Variants in KCNG4 observed in about 807,000 individuals in gnomAD.
KCNG4 encodes the protein voltage-gated potassium channel regulatory subunit KCNG4.
Under a neutral mutation model 28.2 loss-of-function variants are expected in KCNG4, and 30 were observed. The observed-to-expected ratio is 1.06, with a 90% CI of 0.80 to 1.44. KCNG4 has a LOEUF of 1.44. Ranked by LOEUF, KCNG4 falls within the 40% of genes most tolerant of loss-of-function variation. The pLI, the probability that KCNG4 is intolerant of heterozygous loss-of-function variation, is 0.00. For missense variants in KCNG4, 879 were observed against 712.3 expected, an observed-to-expected ratio of 1.23 and a Z score of -2.66; for synonymous variants, 375 against 315.5, an observed-to-expected ratio of 1.19 and a Z score of -2.00.
intron 1 of KCNG4, among the ~76,000 whole-genome samples, 191 bp from the exon 2 acceptor site, chr16:84,237,716 G>C (rs1905009940): frequency 6.6e-6 from 1 of 152,098 alleles, no homozygotes; most frequent in African/African-American, 2.4e-5. Context: ...ATACATCAGT[G>C]AAAAAAACCC....
At chr16:84,228,523 C>G (rs1439381305) in intron 2 of KCNG4, among the ~76,000 whole-genome samples, 1 of 152,148 alleles carries the variant, frequency 6.6e-6, no homozygotes, top group East Asian at 1.9e-4. Flanking sequence ...CCGCTACCCT[C>G]CCCTCCTTTA....
At chr16:84,236,527 T>C in intron 2 of KCNG4, 1 of 725,230 alleles carries the variant, frequency 1.4e-6, no homozygotes, top group South Asian at 2.1e-5. Flanking sequence ...CTTTTGCCTT[T>C]GCAGGACTCC....
chr16:84,233,440 T>C (rs1370348899), intron 2 of KCNG4, among the ~76,000 whole-genome samples: 1 of 152,188 alleles, frequency 6.6e-6, no homozygotes, highest in Admixed American at 6.5e-5. Context: ...CGGTGGTTCA[T>C]GCTTGTAATC....
chr16:84,232,713 C>A (rs58994274), intron 2 of KCNG4, among the ~76,000 whole-genome samples: 9,993 of 151,644 alleles, frequency 0.066, 400 homozygotes, highest in South Asian at 0.11. Context: ...CAGCCTGGCC[C>A]ACATGGTGAA....
intron 2 of KCNG4, among the ~76,000 whole-genome samples, chr16:84,234,349 GT>G (rs374747516): frequency 4.0e-5 from 6 of 150,308 alleles, no homozygotes; most frequent in East Asian, 3.9e-4. Context: ...ATTTTTTTTT[GT>G]TTTTTTTTAG....
At chr16:84,231,423 C>T (rs957463114) in intron 2 of KCNG4, among the ~76,000 whole-genome samples, 1 of 152,104 alleles carries the variant, frequency 6.6e-6, no homozygotes, top group East Asian at 1.9e-4. Flanking sequence ...CAGTGGTGTT[C>T]AGGCTGCCAG....
At position 84,222,599 on chromosome 16, in the gene KCNG4, TCGGCCA is replaced by T. The variant is rs1363263896; in HGVS notation, c.1172_1177del (p.Val391_Ala392del). On this transcript the variant is annotated inframe_deletion, in exon 3 of 3. Coordinates refer to ENST00000308251, the MANE Select transcript of KCNG4 (RefSeq NM_172347.3). ...CTCCAGCACCCGCCCGGACTCCTTCTCGGCCACGTAGACCAAAGGGGAGAAGAGGGT... is the reference window on the plus strand; with the variant it reads ...CTCCAGCACCCGCCCGGACTCCTTCTCGTAGACCAAAGGGGAGAAGAGGGT... 1 of 1,613,288 alleles carries T rather than the reference TCGGCCA, an allele frequency of 6.2e-7. No homozygotes were observed.
In KCNG4 at chr16:84,222,454, G is replaced by A. The variant is rs761938988; in HGVS notation, c.1323C>T (p.Ser441=). Residue 441 remains serine (S), a synonymous_variant, in exon 3 of 3, where the codon AGC becomes AGT. Transcript: ENST00000308251. Reference sequence around the variant, plus strand: ...CCGGGAAGGCCATGATGAGGATCCCGCTCAGGATGCTGCTGAGGGCCACCA... The same window carrying A: ...CCGGGAAGGCCATGATGAGGATCCCACTCAGGATGCTGCTGAGGGCCACCA... ...GQMVALSSIL[S]GILIMAFPAT... is the part of the protein sequence containing the mutation. The A allele has an allele frequency of 2.7e-5, 43 of 1,613,920 alleles. No homozygotes were observed. Among genetic ancestry groups the A allele is most frequent in the Middle Eastern group, 3.3e-4 (2 of 6,084 alleles).
chr16:84,222,649 G>A lies in KCNG4; in HGVS notation c.1128C>T (p.Leu376=). The change falls in exon 3 of 3, where the codon CTC becomes CTT. Residue 376 remains leucine, a synonymous_variant. Coordinates refer to ENST00000308251, the MANE Select transcript of KCNG4 (RefSeq NM_172347.3). The part of the protein sequence containing the change: ...RCTREFGLLL[L]FLAVAITLFS... Reference sequence around the variant, plus strand: ...AGAGGGTGATGGCCACGGCCAGGAAGAGAAGGAGCAGGCCGAACTCACGTG... The same window carrying A: ...AGAGGGTGATGGCCACGGCCAGGAAAAGAAGGAGCAGGCCGAACTCACGTG... The A allele has an allele frequency of 6.2e-7, 1 of 1,613,364 alleles. No individual in the cohort carries two copies. The highest frequency in any genetic ancestry group is 8.5e-7 in the Non-Finnish European group (1 of 1,179,968).
At chr16:84,234,108 C>T (rs550241264) in intron 2 of KCNG4, among the ~76,000 whole-genome samples, 22 of 152,278 alleles carry the variant, frequency 1.4e-4, no homozygotes, top group Non-Finnish European at 2.2e-4. Flanking sequence ...CTTTAAAATC[C>T]GGTGCCCCTT....
chr16:84,226,692 A>G lies in KCNG4; in HGVS notation c.757-3672T>C, dbSNP rs547744693. Reference sequence around the variant, plus strand: ...TCAGGAGTTCGAGACCAGCCTGACCAATATGGTGAAACCTTGTCGCTACTA... The same window carrying G: ...TCAGGAGTTCGAGACCAGCCTGACCGATATGGTGAAACCTTGTCGCTACTA... On this transcript the variant is annotated intron_variant, in intron 2 of 2. Coordinates refer to ENST00000308251, the MANE Select transcript of KCNG4 (RefSeq NM_172347.3). This position sits in a 1 kb window ranked among gnomAD's most constrained non-coding sequence, Gnocchi z 4.1. Among the ~76,000 whole-genome samples, 16 of 151,326 alleles carry G rather than the reference A, an allele frequency of 1.1e-4. No homozygotes were observed. Among genetic ancestry groups the G allele is most frequent in the Non-Finnish European group, 1.9e-4 (13 of 67,704 alleles).
chr16:84,224,881 C>A (rs988209968), intron 2 of KCNG4, among the ~76,000 whole-genome samples: 19 of 152,198 alleles, frequency 1.2e-4, no homozygotes, highest in African/African-American at 3.6e-4. Flanking sequence ...TTCAAGCCCC[C>A]CAGAAACCAT....
At position 84,220,595 on chromosome 16, in the gene KCNG4, A is replaced by T. The variant is rs1329800130; in HGVS notation, c.*1622T>A. On this transcript the variant is annotated 3_prime_UTR_variant, in exon 3 of 3. Coordinates refer to ENST00000308251, the MANE Select transcript of KCNG4 (RefSeq NM_172347.3). ...CACTCTCATACGTACACGATATCAG[A>T]TTGGCAGGGCCGAAACCACTTCACT... is the stretch of plus-strand genomic sequence containing the variant. The T allele has an allele frequency of 6.6e-6, 1 of 152,272 alleles. No individual in the cohort carries two copies. The highest frequency in any genetic ancestry group is 1.9e-4 in the East Asian group (1 of 5,198). The allele number at this position is 152,272 out of a possible 1,614,324, so 9.4% of individuals were successfully genotyped here. A position where few individuals can be genotyped will look rare whatever the true frequency, so the allele number is the denominator to read the frequency against.
At chr16:84,237,606 G>T in intron 1 of KCNG4, 81 bp from the exon 2 acceptor site, 1 of 965,576 alleles carries the variant, frequency 1.0e-6, no homozygotes, top group Non-Finnish European at 1.4e-6. Context: ...CACGACTGCA[G>T]ATGTTCTTAC....
chr16:84,222,527 G>A lies in KCNG4; in HGVS notation c.1250C>T (p.Thr417Ile). 6.2e-7 allele frequency: 1 copy of A among 1,613,618 alleles called. No homozygotes were observed. Among genetic ancestry groups the A allele is most frequent in the Non-Finnish European group, 8.5e-7 (1 of 1,179,904 alleles). Residue 417 changes from threonine (T) to isoleucine (I), a missense_variant, in exon 3 of 3, where the codon ACA (threonine) becomes ATA (isoleucine). By Grantham distance (89) the Thr-to-Ile change is moderately conservative. Transcript: ENST00000308251. ...ASYWWAIISM[T>I]TVGYGDMVPR... ...CACCATGTCCCCGTAGCCCACCGTT[G>A]TCATGGAGATGATGGCCCACCAATA...
chr16:84,239,840 C>T lies in KCNG4; in HGVS notation c.-211G>A, dbSNP rs1323695155. On this transcript the variant is annotated 5_prime_UTR_variant, in exon 1 of 3. Transcript: ENST00000308251. ...GTTTCCAATCTTTCTTCCCGTGCCT[C>T]CTCCAGAAACCAGAAGTTCATTCAT... The T allele has an allele frequency of 6.6e-6, 1 of 152,142 alleles. No homozygotes were observed. Among genetic ancestry groups the T allele is most frequent in the Admixed American group, 6.5e-5 (1 of 15,278 alleles). 9.4% of individuals were successfully genotyped at this position (152,142 alleles called of 1,614,324 possible).
chr16:84,219,625 G>A lies in KCNG4; in HGVS notation c.*2592C>T, dbSNP rs1904508972. The A allele has an allele frequency of 6.6e-6, 1 of 151,694 alleles. No individual in the cohort carries two copies. The highest frequency in any genetic ancestry group is 2.4e-5 in the African/African-American group (1 of 41,214). 9.4% of individuals were successfully genotyped at this position (151,694 alleles called of 1,614,324 possible). A position where few individuals can be genotyped will look rare whatever the true frequency, so the allele number is the denominator to read the frequency against. ...ACCTGTAGTCACAGCTACTCAGGAG[G>A]CTGAGGCAGGAGAATGGCGTGAACC... On this transcript the variant is annotated 3_prime_UTR_variant, in exon 3 of 3. Coordinates refer to ENST00000308251, the MANE Select transcript of KCNG4 (RefSeq NM_172347.3).
In KCNG4 at chr16:84,236,891, G is replaced by A. The variant is rs752116605; in HGVS notation, c.595C>T (p.Arg199Cys). ...AGCCGGTTCATGCACAGGCCCCAGC[G>A]CGAGGAGTGCGAGGCGGGGCGGCGG... Reference protein sequence around the residue: ...ETRRPASHSSRWGLCMNRLRE... With the variant: ...ETRRPASHSSCWGLCMNRLRE... The change falls in exon 2 of 3, where the codon CGC becomes TGC. Residue 199 changes from arginine to cysteine, a missense_variant. Transcript: ENST00000308251. The A allele has an allele frequency of 1.7e-5, 28 of 1,613,282 alleles. No homozygotes were observed. In the East Asian group the frequency reaches 4.0e-4, roughly 23 times the overall value.
intron 2 of KCNG4, among the ~76,000 whole-genome samples, chr16:84,230,048 C>T (rs1904789685): frequency 6.6e-6 from 1 of 151,914 alleles, no homozygotes; most frequent in Non-Finnish European, 1.5e-5. Context: ...GGAAATGGCA[C>T]CCCAAAAGGT....
Sources: gnomAD v4.1 joint callset for allele counts (sites outside exome capture counted in the v4.1 genomes callset) on GRCh38, gnomAD v4.1.1 for gene constraint, Gnocchi (gnomAD v3.1) non-coding constraint, MANE v1.5 for transcripts, NCBI Gene and HGNC (gene_info 2026-07-23, HGNC 2026-07-21) for gene names.